Variants in PLCG2 observed in about 807,000 individuals in gnomAD.
PLCG2 encodes phospholipase C gamma 2, also known as 1-phosphatidylinositol 4,5-bisphosphate phosphodiesterase gamma-2.
PLCG2 carries 69 observed loss-of-function variants against 175.6 expected under a neutral mutation model. That is an observed-to-expected ratio of 0.39 (90% CI 0.32 to 0.48). The LOEUF is 0.48. PLCG2 is among the 20% of genes least tolerant of loss of function. The pLI is 0.91. For synonymous variants in PLCG2, 827 were observed against 624.0 expected (o/e 1.33, Z -4.85); for missense variants, 1,798 against 1,650.9 (o/e 1.09, Z -1.54).
intron 2 of PLCG2, among the ~76,000 whole-genome samples, chr16:81,756,249 T>C (rs888801380): frequency 6.6e-6 from 1 of 152,270 alleles, no homozygotes; most frequent in African/African-American, 2.4e-5. Context: ...AAGTGGCCAC[T>C]GCCCCCTACC....
At chr16:81,921,411 AGAAAG>A in intron 21 of PLCG2, 142 bp downstream of exon 21, 1 of 695,352 alleles carries the variant, frequency 1.4e-6, no homozygotes, top group Non-Finnish European at 2.7e-6. Context: ...TTTTTTGAGA[AGAAAG>A]GATGATTGAT....
chr16:81,842,604 A>G (rs879939808), intron 2 of PLCG2: 4 of 152,176 alleles, frequency 2.6e-5, no homozygotes, highest in Non-Finnish European at 5.9e-5. Context: ...TGTTAAGCTC[A>G]TTGTCAGGTG....
chr16:81,788,748 G>A (rs1016438141), intron 2 of PLCG2, among the ~76,000 whole-genome samples: 1 of 152,228 alleles, frequency 6.6e-6, no homozygotes, highest in Non-Finnish European at 1.5e-5. Flanking sequence ...TTGGAGCCCA[G>A]TGGGTCTCTT....
intron 12 of PLCG2, among the ~76,000 whole-genome samples, chr16:81,895,085 G>C (rs1356614311): frequency 6.6e-6 from 1 of 152,134 alleles, no homozygotes; most frequent in African/African-American, 2.4e-5. Context: ...GTGCCCTCCA[G>C]GGGTCCAAAA....
chr16:81,833,725 G>T (rs544897612), intron 2 of PLCG2, among the ~76,000 whole-genome samples: 1 of 151,740 alleles, frequency 6.6e-6, no homozygotes, highest in Non-Finnish European at 1.5e-5. Flanking sequence ...TGTAGAGGTG[G>T]GAACTTACAG....
intron 19 of PLCG2, among the ~76,000 whole-genome samples, chr16:81,917,182 A>G (rs1008163025): frequency 2.7e-5 from 4 of 150,034 alleles, no homozygotes; most frequent in Non-Finnish European, 5.9e-5. Flanking sequence ...CACACAGCAC[A>G]ATGTCCTCCA....
intron 2 of PLCG2, among the ~76,000 whole-genome samples, chr16:81,826,930 C>A (rs8044681): frequency 0.037 from 5,635 of 152,280 alleles, 381 homozygotes; most frequent in African/African-American, 0.13. Context: ...ATCCGCAGAA[C>A]CAGCCTCCTG....
intron 1 of PLCG2, among the ~76,000 whole-genome samples, chr16:81,781,365 C>G (rs924977811): frequency 3.5e-5 from 5 of 141,854 alleles, no homozygotes; most frequent in African/African-American, 1.3e-4. Flanking sequence ...TGCATGTGCA[C>G]CATTATTTAT....
intron 2 of PLCG2, among the ~76,000 whole-genome samples, chr16:81,805,355 C>T (rs537587932): frequency 5.9e-5 from 9 of 151,782 alleles, no homozygotes; most frequent in East Asian, 1.9e-4. Context: ...AAAAATTAGC[C>T]GGGTGTGGTG....
At chr16:81,860,166 A>ATT (rs1264129417) in intron 5 of PLCG2, among the ~76,000 whole-genome samples, 4 of 99,672 alleles carry the variant, frequency 4.0e-5, no homozygotes, top group African/African-American at 1.4e-4. Context: ...TATTATTATT[A>ATT]TTATTATTTT....
chr16:81,899,718 A>G (rs1909061140), intron 13 of PLCG2, among the ~76,000 whole-genome samples: 1 of 152,166 alleles, frequency 6.6e-6, no homozygotes, highest in African/African-American at 2.4e-5. Context: ...GAGCAGGAGA[A>G]GGCTGTGATG....
chr16:81,857,590 T>A (rs750916419), intron 3 of PLCG2, among the ~76,000 whole-genome samples: 1 of 152,094 alleles, frequency 6.6e-6, no homozygotes, highest in African/African-American at 2.4e-5. Flanking sequence ...TGTGCTCACA[T>A]GGCTTTTCCT....
At chr16:81,826,680 G>C (rs1371534199) in intron 2 of PLCG2, among the ~76,000 whole-genome samples, 2 of 152,092 alleles carry the variant, frequency 1.3e-5, no homozygotes, top group African/African-American at 4.8e-5. Context: ...ATTAACCTCT[G>C]TCCTTGGCGC....
At chr16:81,780,108 C>G (rs4073313) in intron 1 of PLCG2, among the ~76,000 whole-genome samples, 11,797 of 152,020 alleles carry the variant, frequency 0.078, 655 homozygotes, top group African/African-American at 0.15. Flanking sequence ...GGGCGGGGCT[C>G]TCTTGGTACC....
intron 1 of PLCG2, among the ~76,000 whole-genome samples, chr16:81,742,625 G>C (rs1386835166): frequency 6.6e-6 from 1 of 152,234 alleles, no homozygotes; most frequent in Non-Finnish European, 1.5e-5. Flanking sequence ...GGGTGGACAG[G>C]AGTGACCACA....
Position 81,931,560 on chromosome 16 carries a change from G to GCGATCCTC in PLCG2, c.2648_2655dup (p.Val886IlefsTer35). The GCGATCCTC allele has an allele frequency of 6.2e-7, 1 of 1,614,088 alleles. No homozygotes were observed. Among genetic ancestry groups the GCGATCCTC allele is most frequent in the South Asian group, 1.1e-5 (1 of 91,072 alleles). ...TTCATCCTGGAGCCCAAGCAGCAGG[G>GCGATCCTC]CGATCCTCCGGTGGAGTTTGCCACA... On this transcript the variant is annotated frameshift_variant, in exon 25 of 33. Coordinates refer to ENST00000564138, the MANE Select transcript of PLCG2 (RefSeq NM_002661.5). LOFTEE classifies it high-confidence loss of function.
rs1006781294 is a variant in PLCG2, at chr16:81,958,162, T to C, written c.*164T>C. The C allele has an allele frequency of 3.3e-6, 2 of 602,864 alleles. No individual in the cohort carries two copies. The highest frequency in any genetic ancestry group is 3.7e-5 in the African/African-American group (2 of 53,802). The allele number at this position is 602,864 out of a possible 1,614,324, so 37.3% of individuals were successfully genotyped here. Reference sequence around the variant, plus strand: ...AAGACCCAACTGGCATGAGTTGGGGTAATTTCCTATTATTTTCATCTTGGA... The same window carrying C: ...AAGACCCAACTGGCATGAGTTGGGGCAATTTCCTATTATTTTCATCTTGGA... On this transcript the variant is annotated 3_prime_UTR_variant, in exon 33 of 33. Transcript: ENST00000564138.
intron 5 of PLCG2, among the ~76,000 whole-genome samples, chr16:81,866,191 A>T (rs35401648): frequency 9.2e-4 from 89 of 96,716 alleles, no homozygotes; most frequent in African/African-American, 3.4e-3. Flanking sequence ...TGCTCCCAGG[A>T]TGAGCTCCAC....
Position 81,886,431 on chromosome 16 carries a change from T to C in PLCG2, c.766-2741T>C, listed in dbSNP as rs542761259. Among the ~76,000 whole-genome samples, 25 of 152,344 alleles carry C rather than the reference T, an allele frequency of 1.6e-4. No homozygotes were observed. In the South Asian group the frequency reaches 2.7e-3, roughly 16 times the overall value. ...AGTATGCCTTTTCTAGAAAACACTT[T>C]GGCTGTATGCAATGAAAAGAAAGCT... On this transcript the variant is annotated intron_variant, in intron 9 of 32. Coordinates refer to ENST00000564138, the MANE Select transcript of PLCG2 (RefSeq NM_002661.5).
Sources: allele counts gnomAD v4.1 joint callset (sites outside exome capture counted in the v4.1 genomes callset), GRCh38; gene constraint gnomAD v4.1.1; transcripts MANE v1.5; gene names NCBI Gene and HGNC (gene_info 2026-07-23, HGNC 2026-07-21).